The following NTRK2 variants were observed in gnomAD, a reference collection of about 807,000 sequenced individuals.
NTRK2 encodes the protein BDNF/NT-3 growth factors receptor.
A neutral mutation model predicts 94.5 loss-of-function variants in NTRK2; 13 were observed. That is an observed-to-expected ratio of 0.14 (90% CI 0.09 to 0.22). The LOEUF (loss-of-function observed/expected upper bound fraction) is 0.22, where lower values mean the gene tolerates loss of function less well. NTRK2 is among the 10% of genes least tolerant of loss of function. The pLI, the probability that NTRK2 is intolerant of heterozygous loss-of-function variation, is 1.00. For missense variants in NTRK2, 639 were observed against 1,071.2 expected (o/e 0.60, Z 5.63); for synonymous variants, 372 against 407.4 (o/e 0.91, Z 1.05).
At chr9:84,894,424 T>A (rs2076698069) in intron 14 of NTRK2, among the ~76,000 whole-genome samples, 1 of 152,202 alleles carries the variant, frequency 6.6e-6, no homozygotes, top group African/African-American at 2.4e-5. Context: ...CTTTGACTTC[T>A]TGCAGTCCAG....
At chr9:84,802,863 C>T (rs532797718) in intron 12 of NTRK2, among the ~76,000 whole-genome samples, 5 of 152,210 alleles carry the variant, frequency 3.3e-5, no homozygotes, top group African/African-American at 9.6e-5. Context: ...GCTTTAGGAG[C>T]GTGGATTCTG....
chr9:84,953,919 C>T (rs1318845056), intron 16 of NTRK2, among the ~76,000 whole-genome samples: 1 of 152,112 alleles, frequency 6.6e-6, no homozygotes, highest in Non-Finnish European at 1.5e-5. Context: ...GAATGATTCC[C>T]GAAATCAAAG....
chr9:84,751,099 A>G (rs569327043), intron 11 of NTRK2, among the ~76,000 whole-genome samples: 25 of 152,338 alleles, frequency 1.6e-4, no homozygotes, highest in African/African-American at 6.0e-4. Context: ...GGCTTTGACA[A>G]GTGGAACTCA....
At chr9:84,684,769 G>A (rs1046371655) in intron 2 of NTRK2, among the ~76,000 whole-genome samples, 2 of 152,084 alleles carry the variant, frequency 1.3e-5, no homozygotes, top group African/African-American at 2.4e-5. Flanking sequence ...AAGTCTTTTC[G>A]TATGTTTGTA....
At chr9:84,798,274 C>T (rs2069874182) in intron 12 of NTRK2, among the ~76,000 whole-genome samples, 1 of 151,986 alleles carries the variant, frequency 6.6e-6, no homozygotes, top group Non-Finnish European at 1.5e-5. Context: ...GTTATTATAC[C>T]TCCCAAATGC....
chr9:84,728,285 A>T (rs1293420180), intron 9 of NTRK2, among the ~76,000 whole-genome samples: 1 of 152,144 alleles, frequency 6.6e-6, no homozygotes, highest in East Asian at 1.9e-4. Context: ...CTTATCTGCC[A>T]TTGGCCAAAG....
rs1208092362 is a variant in NTRK2 at position 84,727,808 on chromosome 9, T to C, written c.1008T>C (p.Val336=). Residue 336 remains valine, a synonymous_variant, in exon 9 of 19, where the codon GTT becomes GTC. Transcript: ENST00000277120. ...AATACATCTGTACTAAAATACATGT[T>C]ACCAATCACACGGAGTACCACGGCT... ...ESKYICTKIH[V]TNHTEYHGCL... is the part of the protein sequence containing the mutation. 6.2e-7 allele frequency: 1 copy of C among 1,614,210 alleles called. No individual in the cohort carries two copies. The highest frequency in any genetic ancestry group is 8.5e-7 in the Non-Finnish European group (1 of 1,180,046).
At chr9:84,892,776 G>T (rs1183277156) in intron 14 of NTRK2, among the ~76,000 whole-genome samples, 1 of 152,096 alleles carries the variant, frequency 6.6e-6, no homozygotes, top group Admixed American at 6.5e-5. Context: ...ACAAAAATTA[G>T]CTGGGTGTGG....
Position 84,723,629 on chromosome 9 carries a change from A to G in NTRK2, c.640A>G (p.Ile214Val), listed in dbSNP as rs1016963587. 2 of 1,614,140 alleles carry G rather than the reference A, an allele frequency of 1.2e-6. No individual in the cohort carries two copies. The highest frequency in any genetic ancestry group is 8.5e-7 in the Non-Finnish European group (1 of 1,179,982). Reference sequence around the variant, plus strand: ...CCTCACTGTGGAGGAAGGAAAGTCTATCACATTATCCTGTAGTGTGGCAGG... The same window carrying G: ...CCTCACTGTGGAGGAAGGAAAGTCTGTCACATTATCCTGTAGTGTGGCAGG... ...PNLTVEEGKS[I>V]TLSCSVAGDP... is the part of the protein sequence containing the mutation. Residue 214 changes from isoleucine (I) to valine (V), a missense_variant, in exon 7 of 19, where the codon ATC (isoleucine) becomes GTC (valine). Ile to Val is a conservative substitution (Grantham distance 29). This residue lies in a region of NTRK2 where 12 missense variants were observed against 27.8 expected (regional missense o/e 0.43). Transcript: ENST00000277120.
At chr9:84,878,417 C>T (rs1413256422) in intron 14 of NTRK2, among the ~76,000 whole-genome samples, 2 of 151,776 alleles carry the variant, frequency 1.3e-5, no homozygotes, top group Non-Finnish European at 2.9e-5. Context: ...GGGCAGATCA[C>T]GAAGTCAAGA....
intron 12 of NTRK2, among the ~76,000 whole-genome samples, chr9:84,797,657 A>AT (rs2069610494): frequency 3.0e-4 from 12 of 40,446 alleles, no homozygotes; most frequent in African/African-American, 1.6e-3. Flanking sequence ...AATAATATAT[A>AT]TATTATATAT....
upstream of NTRK2, among the ~76,000 whole-genome samples, chr9:84,668,937 C>G (rs2131237308): frequency 6.6e-6 from 1 of 152,268 alleles, no homozygotes; most frequent in East Asian, 1.9e-4. Flanking sequence ...AGGGTGGCCA[C>G]CGAGCATTTA....
chr9:84,763,577 TG>T (rs1000914003), intron 12 of NTRK2, among the ~76,000 whole-genome samples: 1 of 152,168 alleles, frequency 6.6e-6, no homozygotes, highest in Non-Finnish European at 1.5e-5. Context: ...CTTAACATCT[TG>T]TTATTGAAAA....
intron 14 of NTRK2, among the ~76,000 whole-genome samples, chr9:84,929,833 A>T (rs1292928211): frequency 6.6e-6 from 1 of 152,174 alleles, no homozygotes; most frequent in Non-Finnish European, 1.5e-5. Context: ...AAGTGCTGGG[A>T]TTACAGGTGT....
At chr9:84,875,482 A>T in intron 14 of NTRK2, 1 of 1,063,194 alleles carries the variant, frequency 9.4e-7, no homozygotes, top group Non-Finnish European at 1.1e-6. Flanking sequence ...AGATAACTCC[A>T]AATGCAGTTT....
At chr9:84,821,538 A>C (rs941914277) in intron 12 of NTRK2, among the ~76,000 whole-genome samples, 3 of 152,220 alleles carry the variant, frequency 2.0e-5, no homozygotes, top group African/African-American at 7.2e-5. Flanking sequence ...AATAGCAAGA[A>C]GTTTTGCTGA....
intron 2 of NTRK2, among the ~76,000 whole-genome samples, chr9:84,683,799 C>T (rs1254204369): frequency 1.3e-5 from 2 of 152,318 alleles, no homozygotes; most frequent in South Asian, 4.1e-4. Context: ...AATTTACACT[C>T]GCACCCACAG....
At chr9:84,966,655 A>C (rs1031155462) in intron 17 of NTRK2, among the ~76,000 whole-genome samples, 2 of 151,766 alleles carry the variant, frequency 1.3e-5, no homozygotes, top group African/African-American at 4.8e-5. Flanking sequence ...CTGGTCTCGA[A>C]CTCCTGGCCT....
At chr9:84,926,145 CCTTCCTTCCTTCCTTCCTTCCTTCCTTT>C (rs2077773039) in intron 14 of NTRK2, among the ~76,000 whole-genome samples, 24 of 83,072 alleles carry the variant, frequency 2.9e-4, no homozygotes, top group African/African-American at 7.4e-4. Flanking sequence ...TTCCTTCCTT[CCTTCCTTCCTTCCTTCCTTCCTTCCTTT>C]CTTTCTTTCT....
Sources: allele counts gnomAD v4.1 joint callset (sites outside exome capture counted in the v4.1 genomes callset), GRCh38; gene constraint gnomAD v4.1.1; regional missense constraint gnomAD v4.1.1; transcripts MANE v1.5; gene names NCBI Gene and HGNC (gene_info 2026-07-23, HGNC 2026-07-21).